The following LZIC variants were observed in gnomAD, a reference collection of about 807,000 sequenced individuals.
The protein encoded by LZIC is leucine zipper and CTNNBIP1 domain containing.
A neutral mutation model predicts 25.4 loss-of-function variants in LZIC; 28 were observed. That is an observed-to-expected ratio of 1.10 (90% CI 0.82 to 1.51). The LOEUF (loss-of-function observed/expected upper bound fraction) is 1.51. LZIC is among the 40% of genes most tolerant of loss of function. The pLI is 0.00. For missense variants in LZIC, 170 were observed against 211.1 expected, an observed-to-expected ratio of 0.81 and a Z score of 1.21; for synonymous variants, 65 against 70.7, an observed-to-expected ratio of 0.92 and a Z score of 0.40.
Position 9,936,536 on chromosome 1 carries a change from T to C in LZIC, c.84A>G (p.Gln28=), listed in dbSNP as rs1640465874. ...EQLDRLMQQL[Q]DLEECREELD... ...ACTCTTACCTGCATTCCTCCAGATC[T>C]TGTAATTGTTGCATGAGTCTATCCA... is the stretch of plus-strand genomic sequence containing the variant. Residue 28 remains glutamine (Q), a synonymous_variant, in exon 3 of 8, where the codon CAA becomes CAG. Coordinates refer to ENST00000377223, the MANE Select transcript of LZIC (RefSeq NM_032368.5). 6.2e-7 allele frequency: 1 copy of C among 1,611,708 alleles called. No individual in the cohort carries two copies. The highest frequency in any genetic ancestry group is 1.3e-5 in the African/African-American group (1 of 75,006).
intron 7 of LZIC, among the ~76,000 whole-genome samples, chr1:9,930,949 C>T (rs1351145395): frequency 6.6e-6 from 1 of 152,018 alleles, no homozygotes; most frequent in Admixed American, 6.6e-5. Flanking sequence ...GAACTCCTGA[C>T]CTCAGGTGAT....
intron 3 of LZIC, among the ~76,000 whole-genome samples, chr1:9,936,086 G>T (rs1047389130): frequency 2.5e-4 from 37 of 148,624 alleles, no homozygotes; most frequent in Admixed American, 1.9e-3. Context: ...CTGAGATCTC[G>T]CCACTGCACT....
At chr1:9,935,784 ATAGT>A (rs1474713464) in intron 3 of LZIC, among the ~76,000 whole-genome samples, 157 bp from the exon 4 acceptor site, 1 of 152,180 alleles carries the variant, frequency 6.6e-6, no homozygotes, top group African/African-American at 2.4e-5. Context: ...TTCCTGCAAT[ATAGT>A]TACTTTGGTA....
In LZIC at chr1:9,935,701, A is replaced by C. The variant is rs1640424679; in HGVS notation, c.102-74T>G. The stretch of plus-strand genomic sequence containing the variant: ...AAAAATGCAATCTTAATACTTGTAC[A>C]TTAGAGAAAGACTGAAGGGAAATAT... On this transcript the variant is annotated intron_variant, in intron 3 of 7. Coordinates refer to ENST00000377223, the MANE Select transcript of LZIC (RefSeq NM_032368.5). 2.3e-6 allele frequency: 3 copies of C among 1,327,432 alleles called. No individual in the cohort carries two copies. In the African/African-American group the frequency reaches 4.5e-5, roughly 20 times the overall value. 82.2% of individuals were successfully genotyped at this position (1,327,432 alleles called of 1,614,324 possible).
Position 9,930,322 on chromosome 1 carries a change from G to T in LZIC, c.*77C>A. 1 of 1,569,716 alleles carries T rather than the reference G, an allele frequency of 6.4e-7. No homozygotes were observed. The highest frequency in any genetic ancestry group is 1.2e-5 in the South Asian group (1 of 84,162). ...ATTTCCAGAATCTCTTCATTTCTTTGCAATAACTGAAAACCCCAGAAGAAA... is the reference window on the plus strand; with the variant it reads ...ATTTCCAGAATCTCTTCATTTCTTTTCAATAACTGAAAACCCCAGAAGAAA... On this transcript the variant is annotated 3_prime_UTR_variant, in exon 8 of 8. Coordinates refer to ENST00000377223, the MANE Select transcript of LZIC (RefSeq NM_032368.5).
chr1:9,941,921 T>A lies in LZIC; in HGVS notation c.-9+703A>T, dbSNP rs564649145. ...TTCTTTAGCATTCAAATCTTTTTTT[T>A]TAAAATTTTTTTTGAGACGGAGTCT... On this transcript the variant is annotated intron_variant, in intron 2 of 7. Transcript: ENST00000377223. 2.3e-3 allele frequency among the ~76,000 whole-genome samples: 346 copies of A among 152,232 alleles called. 1 individual carries two copies. Among genetic ancestry groups the A allele is most frequent in the Non-Finnish European group, 3.6e-3 (248 of 68,008 alleles).
At chr1:9,932,050 G>C in intron 6 of LZIC, 78 bp from the exon 7 acceptor site, 1 of 934,310 alleles carries the variant, frequency 1.1e-6, no homozygotes, top group South Asian at 1.4e-5. Context: ...GAATGTCTTA[G>C]GAGGCTGGGC....
chr1:9,931,046 G>GA (rs945993531), intron 7 of LZIC, among the ~76,000 whole-genome samples: 28 of 143,604 alleles, frequency 1.9e-4, no homozygotes, highest in South Asian at 2.2e-4. Context: ...ACATTTCTGT[G>GA]AAAAAAAAAA....
intron 2 of LZIC, among the ~76,000 whole-genome samples, chr1:9,942,011 G>C (rs1640770347): frequency 6.6e-6 from 1 of 152,002 alleles, no homozygotes; most frequent in Admixed American, 6.6e-5. Flanking sequence ...CAGCCTCCTG[G>C]GTTCAAGCAA....
intron 2 of LZIC, among the ~76,000 whole-genome samples, chr1:9,938,975 T>A (rs1398485551): frequency 6.6e-6 from 1 of 152,214 alleles, no homozygotes; most frequent in Non-Finnish European, 1.5e-5. Context: ...CCAGGAGAAT[T>A]TGGTCTACAA....
chr1:9,941,341 C>T (rs1640721417), intron 2 of LZIC, among the ~76,000 whole-genome samples: 1 of 151,452 alleles, frequency 6.6e-6, no homozygotes, highest in Non-Finnish European at 1.5e-5. Flanking sequence ...AATGTAGGTG[C>T]CCGCCACCAC....
downstream of LZIC, among the ~76,000 whole-genome samples, chr1:9,925,872 G>A (rs964464917): frequency 4.9e-5 from 7 of 143,192 alleles, no homozygotes; most frequent in South Asian, 4.4e-4. Context: ...ACAGGCATGA[G>A]CCACCACTCA....
rs532198441 is a variant in LZIC, at chr1:9,929,962, T to C, written c.*437A>G. 8.2e-6 allele frequency: 8 copies of C among 976,600 alleles called. No homozygotes were observed. In the East Asian group the frequency reaches 5.7e-4, roughly 69 times the overall value. The allele number at this position is 976,600 out of a possible 1,614,324, so 60.5% of individuals were successfully genotyped here. A position where few individuals can be genotyped will look rare whatever the true frequency, so the allele number is the denominator to read the frequency against. Reference sequence around the variant, plus strand: ...AAATGATTTCTAAGATCACTCAGAATTGTAAAATTCTATGAACACTTATGA... The same window carrying C: ...AAATGATTTCTAAGATCACTCAGAACTGTAAAATTCTATGAACACTTATGA... On this transcript the variant is annotated 3_prime_UTR_variant, in exon 8 of 8. Transcript: ENST00000377223.
In LZIC at chr1:9,936,638, C is replaced by A. The variant is rs1421018265; in HGVS notation, c.-8-11G>T. On this transcript the variant is annotated splice_polypyrimidine_tract_variant and intron_variant, in intron 2 of 7. Transcript: ENST00000377223. ...AAGCCATTTTAATCTCTATGTGAAA[C>A]AATAAACCCACATACCATATGAAAT... 1 of 1,528,942 alleles carries A rather than the reference C, an allele frequency of 6.5e-7. No homozygotes were observed. The highest frequency in any genetic ancestry group is 9.1e-7 in the Non-Finnish European group (1 of 1,104,752). 94.7% of individuals were successfully genotyped at this position (1,528,942 alleles called of 1,614,324 possible).
chr1:9,935,379 G>C (rs1231960812), intron 4 of LZIC, 113 bp downstream of exon 4: 3 of 1,105,930 alleles, frequency 2.7e-6, no homozygotes, highest in Non-Finnish European at 3.8e-6. Flanking sequence ...AGTGAGCCAA[G>C]ACTGCCCCAC....
chr1:9,942,580 C>T, intron 2 of LZIC, 44 bp downstream of exon 2: 1 of 1,050,276 alleles, frequency 9.5e-7, no homozygotes, highest in South Asian at 1.3e-5. Flanking sequence ...AGAAACCGCT[C>T]TCAGACACTA....
chr1:9,942,635 T>A lies in LZIC; in HGVS notation c.-20A>T. 1 of 1,285,858 alleles carries A rather than the reference T, an allele frequency of 7.8e-7. No individual in the cohort carries two copies. The highest frequency in any genetic ancestry group is 1.0e-6 in the Non-Finnish European group (1 of 985,910). 79.7% of individuals were successfully genotyped at this position (1,285,858 alleles called of 1,614,324 possible). On this transcript the variant is annotated 5_prime_UTR_variant, in exon 2 of 8. Transcript: ENST00000377223. ...TCATTCATGCTCACCTGTCTCTTAG[T>A]ACTCTGATCTCTGCACAGTGCCGAC...
At chr1:9,925,762 G>C (rs762092541), downstream of LZIC, among the ~76,000 whole-genome samples, 2 of 149,246 alleles carry the variant, frequency 1.3e-5, no homozygotes, top group Non-Finnish European at 3.0e-5. Flanking sequence ...GATAACTTTT[G>C]TATCTTTAGT....
At position 9,929,476 on chromosome 1, in the gene LZIC, T is replaced by G; in HGVS notation, c.*923A>C. 4 of 985,454 alleles carry G rather than the reference T, an allele frequency of 4.1e-6. No individual in the cohort carries two copies. Among genetic ancestry groups the G allele is most frequent in the Non-Finnish European group, 4.8e-6 (4 of 829,938 alleles). The allele number at this position is 985,454 out of a possible 1,614,324, so 61.0% of individuals were successfully genotyped here. On this transcript the variant is annotated 3_prime_UTR_variant, in exon 8 of 8. Transcript: ENST00000377223. ...TTGCTTTTCCTCATAACTTATTTTGTGTTTCTCCAAAACCTGAAGAGTAGA... is the reference window on the plus strand; with the variant it reads ...TTGCTTTTCCTCATAACTTATTTTGGGTTTCTCCAAAACCTGAAGAGTAGA...
Sources: allele counts gnomAD v4.1 joint callset (sites outside exome capture counted in the v4.1 genomes callset), GRCh38; gene constraint gnomAD v4.1.1; transcripts MANE v1.5; gene names NCBI Gene and HGNC (gene_info 2026-07-23, HGNC 2026-07-21).